SYT1: variants seen among roughly 807,000 people sequenced by gnomAD.
The protein encoded by SYT1 is synaptotagmin-1.
In SYT1, 8 loss-of-function variants were observed where a neutral mutation model predicts 44.8. The ratio of observed to expected loss-of-function variants is 0.18; its 90% confidence interval spans 0.10 to 0.32. The LOEUF (loss-of-function observed/expected upper bound fraction) is 0.32. Ranked by LOEUF, SYT1 falls within the 10% of genes least tolerant of loss-of-function variation. The probability of loss-of-function intolerance (pLI) is 1.00; values close to 1 mark genes in which losing one functional copy is unlikely to be tolerated. For missense variants in SYT1, 286 were observed against 509.3 expected, an observed-to-expected ratio of 0.56 and a Z score of 4.22; for synonymous variants, 154 against 188.8, an observed-to-expected ratio of 0.82 and a Z score of 1.51.
At chr12:79,123,308 A>AGTGTGTGTGTGTGTGTGTGTGTGT (rs763524667) in intron 3 of SYT1, among the ~76,000 whole-genome samples, 11 of 96,484 alleles carry the variant, frequency 1.1e-4, no homozygotes, top group African/African-American at 2.9e-4. Flanking sequence ...CTAAAAATGC[A>AGTGTGTGTGTGTGTGTGTGTGTGT]ATGTGTGTGT....
intron 1 of SYT1, among the ~76,000 whole-genome samples, chr12:78,892,228 T>C (rs1027462600): frequency 4.0e-5 from 6 of 151,792 alleles, no homozygotes; most frequent in African/African-American, 1.2e-4. Flanking sequence ...GATTCACTAA[T>C]ATGGAAAACA....
At chr12:79,234,869 C>T (rs1388613937) in intron 4 of SYT1, among the ~76,000 whole-genome samples, 2 of 152,014 alleles carry the variant, frequency 1.3e-5, no homozygotes, top group Non-Finnish European at 2.9e-5. Context: ...TGCCACCATG[C>T]CCAGCTAATT....
chr12:79,089,506 A>G (rs1162489432), intron 3 of SYT1, among the ~76,000 whole-genome samples: 1 of 150,496 alleles, frequency 6.6e-6, no homozygotes, highest in Non-Finnish European at 1.5e-5. Flanking sequence ...TGAAAAAAAA[A>G]AAAAGAAAAG....
chr12:78,893,858 A>C (rs886485283), intron 1 of SYT1, among the ~76,000 whole-genome samples: 4 of 151,732 alleles, frequency 2.6e-5, no homozygotes, highest in African/African-American at 9.6e-5. Context: ...AAATAATAAT[A>C]ATAATAAAGT....
intron 4 of SYT1, among the ~76,000 whole-genome samples, chr12:79,253,205 A>T (rs952779752): frequency 6.6e-6 from 1 of 152,132 alleles, no homozygotes; most frequent in African/African-American, 2.4e-5. Context: ...GATACCGCAG[A>T]TTTTTTTACA....
At chr12:78,930,797 A>G (rs1668703485) in intron 1 of SYT1, among the ~76,000 whole-genome samples, 1 of 151,988 alleles carries the variant, frequency 6.6e-6, no homozygotes, top group Non-Finnish European at 1.5e-5. Flanking sequence ...CTTTAGAGTA[A>G]TATACAGATT....
intron 3 of SYT1, among the ~76,000 whole-genome samples, chr12:79,117,662 CATATATATAT>C (rs57706449): frequency 0.012 from 488 of 39,220 alleles, 12 homozygotes; most frequent in African/African-American, 0.027. Context: ...TGTATTACAT[CATATATATAT>C]ATATATATAT....
chr12:79,059,022 T>C lies in SYT1; in HGVS notation c.-18+11660T>C, dbSNP rs181929038. On this transcript the variant is annotated intron_variant, in intron 3 of 10. Coordinates refer to ENST00000261205, the MANE Select transcript of SYT1 (RefSeq NM_005639.3). ...TAATTTATAAAGGAAAGAGGTTTAA[T>C]TGACTCACAGTTCCACATAGCTGGG... Among the ~76,000 whole-genome samples, 1,188 of 152,170 alleles carry C rather than the reference T, an allele frequency of 7.8e-3. 57 individuals carry two copies. The highest frequency in any genetic ancestry group is 0.07 in the Admixed American group (1,070 of 15,244).
At chr12:79,215,441 G>A (rs1224752415) in intron 3 of SYT1, among the ~76,000 whole-genome samples, 6 of 152,206 alleles carry the variant, frequency 3.9e-5, no homozygotes, top group Admixed American at 3.9e-4. Context: ...TACAAAAGAA[G>A]AAACTGAAAA....
chr12:79,132,285 C>T (rs139567229), intron 3 of SYT1, among the ~76,000 whole-genome samples: 4 of 152,028 alleles, frequency 2.6e-5, no homozygotes, highest in South Asian at 2.1e-4. Flanking sequence ...CCCGTCTGTA[C>T]TAAACATACA....
chr12:79,236,897 G>C (rs1252760422), intron 4 of SYT1, among the ~76,000 whole-genome samples: 1 of 152,178 alleles, frequency 6.6e-6, no homozygotes, highest in Non-Finnish European at 1.5e-5. Flanking sequence ...AGGTTAGAGA[G>C]GTCCATCAAT....
At chr12:79,051,128 A>G (rs1479507092) in intron 3 of SYT1, among the ~76,000 whole-genome samples, 1 of 151,794 alleles carries the variant, frequency 6.6e-6, no homozygotes, top group Non-Finnish European at 1.5e-5. Context: ...TAAAAAATGC[A>G]TGTGTCGGAA....
intron 3 of SYT1, among the ~76,000 whole-genome samples, chr12:79,210,495 A>T (rs1592855531): frequency 6.6e-6 from 1 of 152,178 alleles, no homozygotes; most frequent in East Asian, 1.9e-4. Context: ...GAGAACATAC[A>T]ATGTTTGGTT....
chr12:79,308,714 T>G (rs1880608188), intron 8 of SYT1, among the ~76,000 whole-genome samples: 2 of 151,416 alleles, frequency 1.3e-5, no homozygotes, highest in African/African-American at 2.4e-5. Flanking sequence ...AAGAGGGAGA[T>G]TTCTCCAAGG....
rs141484178 is a variant in SYT1, at chr12:79,153,073, A to G, written c.-17-64430A>G. On this transcript the variant is annotated intron_variant, in intron 3 of 10. Coordinates refer to ENST00000261205, the MANE Select transcript of SYT1 (RefSeq NM_005639.3). ...ATAAGTGCCTATTTCCCAAGTTGTC[A>G]TCGATGACCAAAAAACAACCCCAAA... Among the ~76,000 whole-genome samples the G allele has an allele frequency of 7.5e-3, 1,147 of 152,174 alleles. 12 individuals are homozygous for G. The highest frequency in any genetic ancestry group is 0.026 in the African/African-American group (1,081 of 41,526).
At chr12:79,399,177 G>A (rs1034085143) in intron 9 of SYT1, among the ~76,000 whole-genome samples, 1 of 152,044 alleles carries the variant, frequency 6.6e-6, no homozygotes, top group Non-Finnish European at 1.5e-5. Context: ...TGAATAAGAA[G>A]GAATATTCAT....
At chr12:79,409,337 C>G (rs902292538) in intron 9 of SYT1, among the ~76,000 whole-genome samples, 7 of 152,120 alleles carry the variant, frequency 4.6e-5, no homozygotes, top group Non-Finnish European at 5.9e-5. Context: ...CTGCCACACA[C>G]TCACAGACTT....
chr12:79,141,418 A>G (rs1236217991), intron 3 of SYT1, among the ~76,000 whole-genome samples: 1 of 152,142 alleles, frequency 6.6e-6, no homozygotes, highest in African/African-American at 2.4e-5. Context: ...GGCACATAAT[A>G]TATATAATAT....
chr12:78,987,502 C>G (rs1231785736), intron 2 of SYT1, among the ~76,000 whole-genome samples: 2 of 151,944 alleles, frequency 1.3e-5, no homozygotes, highest in Non-Finnish European at 2.9e-5. Context: ...TTACTCAGCT[C>G]TTGTTATATT....
Sources: gnomAD v4.1 joint callset for allele counts (sites outside exome capture counted in the v4.1 genomes callset) on GRCh38, gnomAD v4.1.1 for gene constraint, MANE v1.5 for transcripts, NCBI Gene and HGNC (gene_info 2026-07-23, HGNC 2026-07-21) for gene names.